CD34: variants seen among roughly 807,000 people sequenced by gnomAD.
CD34 encodes the protein hematopoietic progenitor cell antigen CD34.
CD34 carries 34 observed loss-of-function variants against 40.1 expected under a neutral mutation model. The observed-to-expected ratio is 0.85, with a 90% CI of 0.65 to 1.13. CD34 has a LOEUF of 1.13. CD34 is among the 50% of genes most tolerant of loss of function. The probability of loss-of-function intolerance (pLI) is 0.00; values close to 1 mark genes in which losing one functional copy is unlikely to be tolerated. For synonymous variants in CD34, 209 were observed against 190.0 expected, an observed-to-expected ratio of 1.10 and a Z score of -0.82; for missense variants, 426 against 466.9, an observed-to-expected ratio of 0.91 and a Z score of 0.81.
At position 207,891,906 on chromosome 1, in the gene CD34, C is replaced by T. The variant is rs193243045; in HGVS notation, c.598-2285G>A. On this transcript the variant is annotated intron_variant, in intron 4 of 7. Transcript: ENST00000310833. ...GGACATACTAAGGAGCGTGAGGACA[C>T]GTCTGGTTAAGGTTAGCAGACACAT... Among the ~76,000 whole-genome samples the T allele has an allele frequency of 2.1e-4, 32 of 152,146 alleles. No individual in the cohort carries two copies. In the East Asian group the frequency reaches 3.3e-3, roughly 16 times the overall value.
At chr1:207,888,554 G>A in intron 7 of CD34, 128 bp downstream of exon 7, 1 of 885,106 alleles carries the variant, frequency 1.1e-6, no homozygotes, top group Admixed American at 2.1e-5. Context: ...GTGCACACAT[G>A]CATATCTTTA....
At chr1:207,902,559 G>C (rs562441898) in intron 1 of CD34, among the ~76,000 whole-genome samples, 1 of 152,168 alleles carries the variant, frequency 6.6e-6, no homozygotes, top group Non-Finnish European at 1.5e-5. Flanking sequence ...ACCTTCTCAA[G>C]ACACCATTCC....
At chr1:207,895,800 A>G (rs921314149) in intron 4 of CD34, among the ~76,000 whole-genome samples, 7 of 152,188 alleles carry the variant, frequency 4.6e-5, no homozygotes, top group African/African-American at 1.7e-4. Context: ...ATGGGGTTGC[A>G]GGGGGAAAGA....
chr1:207,894,803 T>C (rs1662115341), intron 4 of CD34, among the ~76,000 whole-genome samples: 1 of 151,872 alleles, frequency 6.6e-6, no homozygotes, highest in African/African-American at 2.4e-5. Flanking sequence ...CTAGAGATGA[T>C]GGCTGGGGAG....
At chr1:207,907,791 T>C (rs1336017333) in intron 1 of CD34, among the ~76,000 whole-genome samples, 1 of 152,170 alleles carries the variant, frequency 6.6e-6, no homozygotes, top group East Asian at 1.9e-4. Context: ...ATTTATTAGC[T>C]AAGGAGGGAA....
chr1:207,895,138 A>T (rs982937309), intron 4 of CD34, among the ~76,000 whole-genome samples: 5 of 152,166 alleles, frequency 3.3e-5, no homozygotes, highest in Non-Finnish European at 5.9e-5. Flanking sequence ...TACAAATCCA[A>T]CCTAAGGAAA....
Position 207,887,464 on chromosome 1 carries a change from TG to T in CD34, c.*273del. ...GTGTGAGTGCTGCAAGGCCATCGAT[TG>T]TTCCTGGGAGCTTCTCCAGACCTTG... On this transcript the variant is annotated 3_prime_UTR_variant, in exon 8 of 8. Coordinates refer to ENST00000310833, the MANE Select transcript of CD34 (RefSeq NM_001025109.2). The T allele has an allele frequency of 4.6e-6, 2 of 437,074 alleles. No homozygotes were observed. The highest frequency in any genetic ancestry group is 4.1e-6 in the Non-Finnish European group (1 of 242,446). 27.1% of individuals were successfully genotyped at this position (437,074 alleles called of 1,614,324 possible).
chr1:207,889,817 T>C lies in CD34; in HGVS notation c.598-196A>G, dbSNP rs542708286. 3 of 1,576,154 alleles carry C rather than the reference T, an allele frequency of 1.9e-6. No individual in the cohort carries two copies. The East Asian group carries it at 6.7e-5, about 35-fold the overall frequency. On this transcript the variant is annotated intron_variant, in intron 4 of 7. Coordinates refer to ENST00000310833, the MANE Select transcript of CD34 (RefSeq NM_001025109.2). ...CACAATAAGAAAAAAACCTAAATAA[T>C]CTCCCAGGACCAAAATCCATATCTT... is the stretch of plus-strand genomic sequence containing the variant.
At chr1:207,899,757 CCT>C in intron 2 of CD34, 62 bp downstream of exon 2, 1 of 1,451,980 alleles carries the variant, frequency 6.9e-7, no homozygotes, top group Non-Finnish European at 9.4e-7. Context: ...CTGAAAACAT[CCT>C]AAATGCTTTA....
At chr1:207,906,056 A>T (rs532368211) in intron 1 of CD34, among the ~76,000 whole-genome samples, 1 of 152,202 alleles carries the variant, frequency 6.6e-6, no homozygotes, top group South Asian at 2.1e-4. Flanking sequence ...TGTGGAGAGT[A>T]CAAAATGAGA....
intron 4 of CD34, chr1:207,889,831 A>G: frequency 6.3e-7 from 1 of 1,578,180 alleles, no homozygotes; most frequent in African/African-American, 1.4e-5. Flanking sequence ...CCAGGACCAA[A>G]ATCCATATCT....
chr1:207,889,642 G>A (rs1322187375), intron 4 of CD34, 21 bp from the exon 5 acceptor site: 1 of 1,612,562 alleles, frequency 6.2e-7, no homozygotes, highest in Non-Finnish European at 8.5e-7. Flanking sequence ...AGAGAAACAT[G>A]GAGAGCAAGA....
At chr1:207,899,368 CA>C (rs1441437319) in intron 2 of CD34, 142 bp from the exon 3 acceptor site, 41 of 843,196 alleles carry the variant, frequency 4.9e-5, no homozygotes, top group South Asian at 3.8e-4. Context: ...CATCCCTGAC[CA>C]AACTCATTTC....
At position 207,885,997 on chromosome 1, in the gene CD34, AT is replaced by A. The variant is rs140978495; in HGVS notation, c.*1740del. On this transcript the variant is annotated 3_prime_UTR_variant, in exon 8 of 8. Transcript: ENST00000310833. ...GCTGGGGGGAGGTACATGCTTACAGATTTTTTTTTTAATTAGGCTGCTGTCT... is the reference window on the plus strand; with the variant it reads ...GCTGGGGGGAGGTACATGCTTACAGATTTTTTTTTAATTAGGCTGCTGTCT... 16,657 of 148,022 alleles carry A rather than the reference AT, an allele frequency of 0.11. 1,207 individuals are homozygous for A. The highest frequency in any genetic ancestry group is 0.33 in the East Asian group (1,635 of 4,990). 9.2% of individuals were successfully genotyped at this position (148,022 alleles called of 1,614,324 possible).
In CD34 at chr1:207,883,070, C is replaced by T. The variant is rs987559712; in HGVS notation, c.*4668G>A. ...ATAAATTAATGAATAAATGGAAACT[C>T]TTCTGTGGCTCCTCTTCTATTGGAT... On this transcript the variant is annotated 3_prime_UTR_variant, in exon 8 of 8. Transcript: ENST00000310833. The T allele has an allele frequency of 6.6e-6, 1 of 152,174 alleles. No individual in the cohort carries two copies. Among genetic ancestry groups the T allele is most frequent in the Admixed American group, 6.5e-5 (1 of 15,284 alleles). The allele number at this position is 152,174 out of a possible 1,614,324, so 9.4% of individuals were successfully genotyped here.
At position 207,889,457 on chromosome 1, in the gene CD34, C is replaced by A; in HGVS notation, c.754+8G>T. The A allele has an allele frequency of 6.2e-7, 1 of 1,607,392 alleles. No homozygotes were observed. The highest frequency in any genetic ancestry group is 8.5e-7 in the Non-Finnish European group (1 of 1,175,886). ...TTCCCTGTTCCCCCAGGCAGAGGTG[C>A]ACCTTACCTGTTCTGTTGGCCAAGA... On this transcript the variant is annotated splice_region_variant and intron_variant, in intron 5 of 7. Transcript: ENST00000310833.
rs1661798507 is a variant in CD34, at chr1:207,881,205, A to G, written c.*6533T>C. 1 of 152,232 alleles carries G rather than the reference A, an allele frequency of 6.6e-6. No homozygotes were observed. The highest frequency in any genetic ancestry group is 1.5e-5 in the Non-Finnish European group (1 of 68,038). The allele number at this position is 152,232 out of a possible 1,614,324, so 9.4% of individuals were successfully genotyped here. ...ATCCAAGGTCCTCTGGGGGTTCCCT[A>G]AAACATTTCCAAGTGGTCTCTGAGG... On this transcript the variant is annotated 3_prime_UTR_variant, in exon 8 of 8. Transcript: ENST00000310833.
intron 4 of CD34, among the ~76,000 whole-genome samples, chr1:207,895,244 C>A (rs1479558072): frequency 6.6e-6 from 1 of 152,130 alleles, no homozygotes; most frequent in Non-Finnish European, 1.5e-5. Context: ...TGGACATAAT[C>A]GGGAGCTGTG....
intron 1 of CD34, among the ~76,000 whole-genome samples, chr1:207,904,849 G>T (rs564895893): frequency 3.3e-5 from 5 of 152,204 alleles, no homozygotes; most frequent in Non-Finnish European, 7.3e-5. Flanking sequence ...TGGAGTTTAG[G>T]AAAAGCAATA....
Sources: gnomAD v4.1 joint callset for allele counts (sites outside exome capture counted in the v4.1 genomes callset) on GRCh38, gnomAD v4.1.1 for gene constraint, MANE v1.5 for transcripts, NCBI Gene and HGNC (gene_info 2026-07-23, HGNC 2026-07-21) for gene names.